Variants in NEO1 observed in about 807,000 individuals in gnomAD.
The protein encoded by NEO1 is neogenin 1.
NEO1 carries 63 observed loss-of-function variants against 159.7 expected under a neutral mutation model. That is an observed-to-expected ratio of 0.39 (90% confidence interval 0.32 to 0.49). The LOEUF is 0.49. Among genes scored for constraint, NEO1 ranks in the 20% least tolerant of loss-of-function variants. The probability of loss-of-function intolerance (pLI) is 0.85; values close to 1 mark genes in which losing one functional copy is unlikely to be tolerated. For missense variants in NEO1, 1,615 were observed against 1,831.0 expected, an observed-to-expected ratio of 0.88 and a Z score of 2.15; for synonymous variants, 633 against 662.0, an observed-to-expected ratio of 0.96 and a Z score of 0.67.
At chr15:73,134,095 A>C (rs925893038) in intron 4 of NEO1, among the ~76,000 whole-genome samples, 26 of 152,172 alleles carry the variant, frequency 1.7e-4, no homozygotes, top group African/African-American at 6.0e-4. Flanking sequence ...CTTAGTAGTA[A>C]ATTTTATCCA....
chr15:73,272,319 G>A, intron 18 of NEO1, 136 bp from the exon 19 acceptor site: 2 of 595,256 alleles, frequency 3.4e-6, no homozygotes, highest in Admixed American at 3.0e-5. Flanking sequence ...TAGACAAACT[G>A]TGATTTCTTT....
intron 6 of NEO1, 97 bp from the exon 7 acceptor site, chr15:73,178,210 A>T: frequency 8.9e-7 from 1 of 1,117,676 alleles, no homozygotes. Context: ...TAAAAACTTT[A>T]CTTGTTTTTT....
chr15:73,254,219 CTT>C (rs927424543), intron 12 of NEO1, among the ~76,000 whole-genome samples: 2 of 146,762 alleles, frequency 1.4e-5, no homozygotes, highest in Admixed American at 6.8e-5. Context: ...TATAGGGCTC[CTT>C]TTTTTTTTTA....
intron 1 of NEO1, among the ~76,000 whole-genome samples, chr15:73,099,294 T>G (rs1056144649): frequency 2.0e-5 from 3 of 152,220 alleles, no homozygotes; most frequent in African/African-American, 7.2e-5. Context: ...GAATGAAATT[T>G]GTCTATGACA....
chr15:73,053,128 G>T (rs1053348156), intron 1 of NEO1, among the ~76,000 whole-genome samples: 18 of 152,010 alleles, frequency 1.2e-4, no homozygotes, highest in Non-Finnish European at 2.4e-4. Flanking sequence ...GGACATTCTT[G>T]TGCTCACACT....
chr15:73,287,290 C>T (rs1347562319), intron 23 of NEO1, among the ~76,000 whole-genome samples: 4 of 152,226 alleles, frequency 2.6e-5, no homozygotes, highest in Non-Finnish European at 5.9e-5. Context: ...ATGTCACTTC[C>T]TCCTCTAGGT....
intron 22 of NEO1, among the ~76,000 whole-genome samples, chr15:73,278,803 C>T (rs1431497427): frequency 1.3e-5 from 2 of 152,188 alleles, no homozygotes; most frequent in African/African-American, 4.8e-5. Context: ...GGAGAAGTAA[C>T]GTGCCTGGGG....
intron 1 of NEO1, among the ~76,000 whole-genome samples, chr15:73,098,196 C>T (rs1446140961): frequency 6.6e-6 from 1 of 152,040 alleles, no homozygotes; most frequent in Non-Finnish European, 1.5e-5. Context: ...AGAGTATATC[C>T]TACTATGTAT....
intron 1 of NEO1, among the ~76,000 whole-genome samples, chr15:73,093,139 G>C (rs775077993): frequency 2.1e-4 from 32 of 152,126 alleles, no homozygotes; most frequent in African/African-American, 7.2e-4. Flanking sequence ...GATTAGACTG[G>C]GGCTTATGGT....
At chr15:73,056,580 G>C (rs929331810) in intron 1 of NEO1, among the ~76,000 whole-genome samples, 1 of 152,104 alleles carries the variant, frequency 6.6e-6, no homozygotes, top group South Asian at 2.1e-4. Context: ...TAACCCGTAG[G>C]GCCATACAGC....
rs2071358056 is a variant in NEO1, at chr15:73,116,913, T to G, written c.448+56T>G. 5.2e-6 allele frequency: 7 copies of G among 1,338,476 alleles called. No homozygotes were observed. In the South Asian group the frequency reaches 8.9e-5, roughly 17 times the overall value. 82.9% of individuals were successfully genotyped at this position (1,338,476 alleles called of 1,614,324 possible). A position where few individuals can be genotyped will look rare whatever the true frequency, so the allele number is the denominator to read the frequency against. On this transcript the variant is annotated intron_variant, in intron 2 of 28. Transcript: ENST00000261908. ...TTTCAAATATTTATAACATACATCT[T>G]GATAAAAGCACTGTTCTCTTGGAGT... is the stretch of plus-strand genomic sequence containing the variant.
At chr15:73,244,058 A>G (rs1330825463) in intron 8 of NEO1, among the ~76,000 whole-genome samples, 1 of 152,188 alleles carries the variant, frequency 6.6e-6, no homozygotes, top group African/African-American at 2.4e-5. Context: ...CCCCATTTGA[A>G]ATGGCATTGA....
At position 73,116,592 on chromosome 15, in the gene NEO1, T is replaced by C; in HGVS notation, c.183T>C (p.Asp61=). 6.3e-7 allele frequency: 1 copy of C among 1,583,546 alleles called. No individual in the cohort carries two copies. Among genetic ancestry groups the C allele is most frequent in the South Asian group, 1.2e-5 (1 of 84,668 alleles). ...TTTATTTTCTGGTGGAGCCGGTGGATACACTCTCAGTTAGAGGCTCTTCTG... is the reference window on the plus strand; with the variant it reads ...TTTATTTTCTGGTGGAGCCGGTGGACACACTCTCAGTTAGAGGCTCTTCTG... ...TPFYFLVEPV[D]TLSVRGSSVI... The change falls in exon 2 of 29, where the codon GAT becomes GAC. Residue 61 remains aspartate, a synonymous_variant. Coordinates refer to ENST00000261908, the MANE Select transcript of NEO1 (RefSeq NM_002499.4).
At chr15:73,096,635 A>G (rs1315674782) in intron 1 of NEO1, among the ~76,000 whole-genome samples, 1 of 152,202 alleles carries the variant, frequency 6.6e-6, no homozygotes, top group Non-Finnish European at 1.5e-5. Flanking sequence ...AAAATTGCAC[A>G]GGAAAGCTTC....
At chr15:73,268,234 G>A (rs937182754) in intron 16 of NEO1, among the ~76,000 whole-genome samples, 3 of 152,080 alleles carry the variant, frequency 2.0e-5, no homozygotes, top group African/African-American at 7.2e-5. Flanking sequence ...AAGTGAAAAA[G>A]TATTTAAATA....
At chr15:73,239,174 C>T (rs1567570431) in intron 8 of NEO1, among the ~76,000 whole-genome samples, 1 of 151,926 alleles carries the variant, frequency 6.6e-6, no homozygotes, top group Non-Finnish European at 1.5e-5. Context: ...ATAAAGCTGG[C>T]AAAAATTTTA....
intron 1 of NEO1, among the ~76,000 whole-genome samples, chr15:73,104,799 T>TGGA (rs1489734577): frequency 6.6e-6 from 1 of 151,960 alleles, no homozygotes; most frequent in Non-Finnish European, 1.5e-5. Flanking sequence ...AAGGTGAAGG[T>TGGA]GGAGCAGGGC....
At chr15:73,206,969 A>G (rs1465745650) in intron 7 of NEO1, among the ~76,000 whole-genome samples, 1 of 152,082 alleles carries the variant, frequency 6.6e-6, no homozygotes, top group Non-Finnish European at 1.5e-5. Context: ...CAATCCCCCC[A>G]TCTCAGCTTC....
chr15:73,241,180 C>A (rs1203163566), intron 8 of NEO1, among the ~76,000 whole-genome samples: 1 of 152,204 alleles, frequency 6.6e-6, no homozygotes, highest in African/African-American at 2.4e-5. Context: ...AAAATTTCAT[C>A]TTTCTTAAAA....
Sources: allele counts gnomAD v4.1 joint callset (sites outside exome capture counted in the v4.1 genomes callset), GRCh38; gene constraint gnomAD v4.1.1; transcripts MANE v1.5; gene names NCBI Gene and HGNC (gene_info 2026-07-23, HGNC 2026-07-21).